The following CNTN5 variants were observed in gnomAD, a reference collection of about 807,000 sequenced individuals.
CNTN5 encodes the protein contactin 5, also known as contactin-5.
Under a neutral mutation model 129.1 loss-of-function variants are expected in CNTN5, and 77 were observed. The observed-to-expected ratio is 0.60, with a 90% CI of 0.50 to 0.72. The LOEUF is 0.72. Among genes scored for constraint, CNTN5 ranks in the 30% least tolerant of loss-of-function variants. The pLI is 0.00. For synonymous variants in CNTN5, 509 were observed against 465.6 expected (o/e 1.09, Z -1.20); for missense variants, 1,478 against 1,328.8 (o/e 1.11, Z -1.75).
chr11:99,611,608 C>G (rs150567428), intron 3 of CNTN5, among the ~76,000 whole-genome samples: 16 of 152,244 alleles, frequency 1.1e-4, no homozygotes, highest in African/African-American at 3.4e-4. Context: ...ATCAGTAGTC[C>G]TATTCAATAG....
At chr11:99,194,650 G>A (rs1215520750) in intron 1 of CNTN5, among the ~76,000 whole-genome samples, 5 of 152,054 alleles carry the variant, frequency 3.3e-5, no homozygotes, top group African/African-American at 1.2e-4. Flanking sequence ...CTGTTGCCCA[G>A]GCTGGAGTGC....
chr11:99,552,078 C>G (rs1948505064), intron 2 of CNTN5, among the ~76,000 whole-genome samples: 1 of 151,648 alleles, frequency 6.6e-6, no homozygotes, highest in Non-Finnish European at 1.5e-5. Context: ...TAGCTAATTT[C>G]TGTATTCTTA....
At chr11:100,108,155 G>A (rs1271762109) in intron 13 of CNTN5, among the ~76,000 whole-genome samples, 5 of 151,862 alleles carry the variant, frequency 3.3e-5, no homozygotes, top group Admixed American at 6.6e-5. Flanking sequence ...AGCTGAGAAC[G>A]GCACCTGATC....
intron 3 of CNTN5, among the ~76,000 whole-genome samples, chr11:99,736,428 G>A (rs1369963420): frequency 1.3e-5 from 2 of 152,262 alleles, no homozygotes; most frequent in East Asian, 1.9e-4. Context: ...AGAAGGGGTT[G>A]GAGTGTGAAC....
intron 1 of CNTN5, among the ~76,000 whole-genome samples, chr11:99,266,380 C>T (rs1331503849): frequency 6.6e-6 from 1 of 151,998 alleles, no homozygotes; most frequent in Non-Finnish European, 1.5e-5. Context: ...GGGAGGATCG[C>T]TTGAGGCCAA....
rs1275676136 is a variant in CNTN5 at position 99,664,395 on chromosome 11, C to T, written c.55+108126C>T. 3.3e-5 allele frequency among the ~76,000 whole-genome samples: 5 copies of T among 152,012 alleles called. No homozygotes were observed. The East Asian group carries it at 5.8e-4, about 18-fold the overall frequency. On this transcript the variant is annotated intron_variant, in intron 3 of 24. Transcript: ENST00000524871. ...TTGTAGGTTGTGGTGATTTTCTTTC[C>T]CCACCAGTAGAGTAGAGAGATCTCC...
chr11:99,810,556 C>T (rs1946398881), intron 3 of CNTN5, among the ~76,000 whole-genome samples: 1 of 152,126 alleles, frequency 6.6e-6, no homozygotes, highest in Non-Finnish European at 1.5e-5. Flanking sequence ...TGAGTTGAGA[C>T]ATAGAGTACA....
chr11:99,877,093 T>C (rs2135838621), intron 6 of CNTN5, among the ~76,000 whole-genome samples: 1 of 152,322 alleles, frequency 6.6e-6, no homozygotes, highest in Middle Eastern at 3.4e-3. Flanking sequence ...GAAAGGTTCA[T>C]GGAATAAAAT....
chr11:99,581,275 G>C (rs1949578892), intron 3 of CNTN5, among the ~76,000 whole-genome samples: 1 of 137,942 alleles, frequency 7.2e-6, no homozygotes, highest in Non-Finnish European at 1.5e-5. Flanking sequence ...TTTGGAGTAG[G>C]TGTGGTGTGG....
rs190510080 is a variant in CNTN5 at position 99,952,734 on chromosome 11, T to C, written c.674-4072T>C. On this transcript the variant is annotated intron_variant, in intron 7 of 24. Transcript: ENST00000524871. ...TTCATAATAAAGAACAAATTATAAA[T>C]ATGATTTTTGGCAAATGAAACATTA... 1.6e-4 allele frequency among the ~76,000 whole-genome samples: 24 copies of C among 152,254 alleles called. No individual in the cohort carries two copies. In the East Asian group the frequency reaches 4.0e-3, roughly 26 times the overall value.
At chr11:99,606,047 T>A (rs1022609311) in intron 3 of CNTN5, among the ~76,000 whole-genome samples, 3 of 61,816 alleles carry the variant, frequency 4.9e-5, no homozygotes, top group Non-Finnish European at 9.8e-5. Flanking sequence ...AAGACAGGGA[T>A]GCCCTCTCTC....
At chr11:99,426,361 G>A (rs1943120998) in intron 2 of CNTN5, among the ~76,000 whole-genome samples, 1 of 151,944 alleles carries the variant, frequency 6.6e-6, no homozygotes, top group Non-Finnish European at 1.5e-5. Context: ...CCAAAAAAAG[G>A]GCAAAAACTC....
chr11:100,011,291 A>C (rs1448219477), intron 9 of CNTN5, among the ~76,000 whole-genome samples: 1 of 152,164 alleles, frequency 6.6e-6, no homozygotes, highest in East Asian at 1.9e-4. Context: ...AAACAGAAGT[A>C]AAATCTGGTC....
chr11:99,977,767 A>G (rs1203040735), intron 8 of CNTN5, among the ~76,000 whole-genome samples: 2 of 152,240 alleles, frequency 1.3e-5, no homozygotes, highest in Non-Finnish European at 1.5e-5. Flanking sequence ...ATAATTCAAC[A>G]TAAGATTTAG....
chr11:99,153,815 C>CTTTTTTT (rs60782977), intron 1 of CNTN5, among the ~76,000 whole-genome samples: 5 of 103,344 alleles, frequency 4.8e-5, no homozygotes, highest in Non-Finnish European at 7.3e-5. Context: ...CTTTGAATGG[C>CTTTTTTT]TTTTTTTTTT....
At chr11:99,664,602 C>A (rs1413490382) in intron 3 of CNTN5, among the ~76,000 whole-genome samples, 1 of 152,104 alleles carries the variant, frequency 6.6e-6, no homozygotes, top group Admixed American at 6.5e-5. Flanking sequence ...TTATAATTTT[C>A]TCTAATATTA....
intron 16 of CNTN5, among the ~76,000 whole-genome samples, chr11:100,236,105 CATTT>C (rs1949607801): frequency 6.6e-6 from 1 of 152,142 alleles, no homozygotes; most frequent in African/African-American, 2.4e-5. Context: ...AGGTAATTAA[CATTT>C]ATTTTTCCCT....
At chr11:100,061,432 A>G (rs200941149) in intron 10 of CNTN5, 39 bp downstream of exon 10, 1 of 1,410,630 alleles carries the variant, frequency 7.1e-7, no homozygotes, top group Non-Finnish European at 9.6e-7. Flanking sequence ...TCTAGTCCCA[A>G]AAGTCAAACT....
intron 3 of CNTN5, among the ~76,000 whole-genome samples, chr11:99,624,769 T>C (rs576205014): frequency 5.3e-5 from 8 of 152,286 alleles, no homozygotes; most frequent in Middle Eastern, 3.4e-3. Context: ...CTGATGGTGA[T>C]ACACTGTTGC....
Sources: allele counts gnomAD v4.1 joint callset (sites outside exome capture counted in the v4.1 genomes callset), GRCh38; gene constraint gnomAD v4.1.1; transcripts MANE v1.5; gene names NCBI Gene and HGNC (gene_info 2026-07-23, HGNC 2026-07-21).